Variants in PCDHGA7 observed in about 807,000 individuals in gnomAD.
PCDHGA7 encodes protocadherin gamma-A7.
PCDHGA7 carries 44 observed loss-of-function variants against 58.3 expected under a neutral mutation model. The ratio of observed to expected loss-of-function variants is 0.75; its 90% confidence interval spans 0.59 to 0.97. The LOEUF is 0.97. Among genes scored for constraint, PCDHGA7 ranks in the 50% least tolerant of loss-of-function variants. PCDHGA7 has a pLI of 0.00. For missense variants in PCDHGA7, 1,266 were observed against 1,188.7 expected (o/e 1.06, Z -0.96); for synonymous variants, 516 against 504.2 (o/e 1.02, Z -0.31).
intron 1 of PCDHGA7, among the ~76,000 whole-genome samples, chr5:141,461,985 G>C (rs894777268): frequency 2.6e-5 from 4 of 152,170 alleles, no homozygotes; most frequent in Non-Finnish European, 5.9e-5. Flanking sequence ...CACCACGCCA[G>C]GCTAATTTTG....
rs750109717 is a variant in PCDHGA7, at chr5:141,490,546, A to C, written c.2425-4261A>C. 1.9e-6 allele frequency: 3 copies of C among 1,614,110 alleles called. No individual in the cohort carries two copies. Among genetic ancestry groups the C allele is most frequent in the Non-Finnish European group, 2.5e-6 (3 of 1,180,036 alleles). On this transcript the variant is annotated intron_variant, in intron 1 of 3. Transcript: ENST00000518325. The surrounding 1 kb of genome is among the most constrained non-coding windows in gnomAD (Gnocchi z 5.4). ...CGATGCTGGTTCACCTTCCCTACAC[A>C]AACATCTCACCATCAGGCTCAACAT...
chr5:141,410,251 C>T, intron 1 of PCDHGA7: 1 of 1,614,016 alleles, frequency 6.2e-7, no homozygotes, highest in Non-Finnish European at 8.5e-7. Flanking sequence ...TACTCTCTGA[C>T]CCCCAGGCTG....
chr5:141,511,010 A>G lies in PCDHGA7; in HGVS notation c.2636A>G (p.Tyr879Cys), dbSNP rs1286219897. 6.2e-6 allele frequency: 10 copies of G among 1,614,054 alleles called. No homozygotes were observed. Among genetic ancestry groups the G allele is most frequent in the African/African-American group, 1.3e-5 (1 of 74,916 alleles). Residue 879 changes from tyrosine to cysteine, a missense_variant, in exon 4 of 4, where the codon TAC becomes TGC. By Grantham distance (194) the Tyr-to-Cys change is radical (BLOSUM62 -2). Coordinates refer to ENST00000518325, the MANE Select transcript of PCDHGA7 (RefSeq NM_018920.4). ...GGCACCATGGGATTGAGCGCCCGCT[A>G]CGGACCCCAGTTCACCCTGCAGCAC... Reference protein sequence around the residue: ...GAGTMGLSARYGPQFTLQHVP... With the variant: ...GAGTMGLSARCGPQFTLQHVP...
chr5:141,405,050 G>T, intron 1 of PCDHGA7: 1 of 1,613,866 alleles, frequency 6.2e-7, no homozygotes, highest in South Asian at 1.1e-5. Flanking sequence ...TGTGGCAGTC[G>T]TCTCCTGTGT....
intron 2 of PCDHGA7, among the ~76,000 whole-genome samples, chr5:141,502,719 C>G (rs1242423173): frequency 1.3e-5 from 2 of 152,190 alleles, no homozygotes; most frequent in Non-Finnish European, 2.9e-5. Flanking sequence ...TCAGTGATTA[C>G]AAAGCGGTGA....
intron 1 of PCDHGA7, chr5:141,412,460 G>C (rs2095557510): frequency 1.3e-5 from 2 of 152,244 alleles, no homozygotes; most frequent in South Asian, 4.1e-4. Flanking sequence ...AACTATTCTA[G>C]AAGAGTACTT....
In PCDHGA7 at chr5:141,476,850, A is replaced by G. The variant is rs747333239; in HGVS notation, c.2425-17957A>G. The G allele has an allele frequency of 1.2e-6, 2 of 1,613,836 alleles. No individual in the cohort carries two copies. Among genetic ancestry groups the G allele is most frequent in the Admixed American group, 3.3e-5 (2 of 60,030 alleles). ...GCGAATGACAATGCGCCTGTCTTCA[A>G]CCAGTCCTTGTACCGGGCGCGCGTC... is the stretch of plus-strand genomic sequence containing the variant. On this transcript the variant is annotated intron_variant, in intron 1 of 3. Transcript: ENST00000518325. The surrounding 1 kb of genome is among the most constrained non-coding windows in gnomAD (Gnocchi z 7.6).
At position 141,408,464 on chromosome 5, in the gene PCDHGA7, A is replaced by G. The variant is rs764186219; in HGVS notation, c.2424+23141A>G. ...GGAGAGCGGGGACTTACTTGTGAAG[A>G]ACCGAATAGACCGTGAGCAAATATG... On this transcript the variant is annotated intron_variant, in intron 1 of 3. Coordinates refer to ENST00000518325, the MANE Select transcript of PCDHGA7 (RefSeq NM_018920.4). The G allele has an allele frequency of 3.8e-5, 61 of 1,613,880 alleles. No homozygotes were observed. Among genetic ancestry groups the G allele is most frequent in the South Asian group, 1.4e-4 (13 of 91,024 alleles).
intron 1 of PCDHGA7, chr5:141,433,151 G>T (rs2097572071): frequency 1.2e-6 from 2 of 1,614,006 alleles, no homozygotes; most frequent in African/African-American, 1.3e-5. Context: ...AGGTGATTCG[G>T]TATTTTCTAA....
At chr5:141,408,712 T>C in intron 1 of PCDHGA7, 2 of 1,612,332 alleles carry the variant, frequency 1.2e-6, no homozygotes, top group Non-Finnish European at 1.7e-6. Flanking sequence ...TTAAAGATTA[T>C]AAGATAAACT....
Position 141,489,169 on chromosome 5 carries a change from C to T in PCDHGA7, c.2425-5638C>T. On this transcript the variant is annotated intron_variant, in intron 1 of 3. Coordinates refer to ENST00000518325, the MANE Select transcript of PCDHGA7 (RefSeq NM_018920.4). This position sits in a 1 kb window ranked among gnomAD's most constrained non-coding sequence, Gnocchi z 4.5. ...GAGACATAAGAGACTTCAGCTGCTG[C>T]ATTCCAAGCCCTGGGTCTACCTTGG... 3 of 1,124,648 alleles carry T rather than the reference C, an allele frequency of 2.7e-6. No individual in the cohort carries two copies. The highest frequency in any genetic ancestry group is 3.8e-6 in the Non-Finnish European group (3 of 783,910). The allele number at this position is 1,124,648 out of a possible 1,614,324, so 69.7% of individuals were successfully genotyped here. A position where few individuals can be genotyped will look rare whatever the true frequency, so the allele number is the denominator to read the frequency against.
At position 141,491,899 on chromosome 5, in the gene PCDHGA7, G is replaced by A; in HGVS notation, c.2425-2908G>A. The A allele has an allele frequency of 7.0e-7, 1 of 1,433,322 alleles. No homozygotes were observed. Among genetic ancestry groups the A allele is most frequent in the South Asian group, 1.5e-5 (1 of 67,156 alleles). The allele number at this position is 1,433,322 out of a possible 1,614,324, so 88.8% of individuals were successfully genotyped here. A position where few individuals can be genotyped will look rare whatever the true frequency, so the allele number is the denominator to read the frequency against. On this transcript the variant is annotated intron_variant, in intron 1 of 3. Coordinates refer to ENST00000518325, the MANE Select transcript of PCDHGA7 (RefSeq NM_018920.4). The surrounding 1 kb of genome is among the most constrained non-coding windows in gnomAD (Gnocchi z 6.9). ...TTAAGGGATGGGGCTCCGAGCACCG[G>A]GGGTGGTGGCGACTGTGGGCGAGGG... is the stretch of plus-strand genomic sequence containing the variant.
At chr5:141,455,837 AT>A (rs2098833014) in intron 1 of PCDHGA7, among the ~76,000 whole-genome samples, 2 of 151,422 alleles carry the variant, frequency 1.3e-5, no homozygotes, top group African/African-American at 4.8e-5. Context: ...TTTCCTGTCT[AT>A]CTGCATAAAA....
intron 1 of PCDHGA7, chr5:141,410,721 A>G (rs2154543206): frequency 1.5e-5 from 21 of 1,395,496 alleles, no homozygotes; most frequent in Non-Finnish European, 2.0e-5. Context: ...ATATGTTTAA[A>G]ATCCATAGCT....
At chr5:141,495,419 C>A (rs1434107823) in intron 2 of PCDHGA7, among the ~76,000 whole-genome samples, 1 of 152,228 alleles carries the variant, frequency 6.6e-6, no homozygotes, top group Non-Finnish European at 1.5e-5. Context: ...CCGGCCCCTC[C>A]TCCCACTGTC....
chr5:141,441,993 G>T (rs577673608), intron 1 of PCDHGA7: 16 of 251,180 alleles, frequency 6.4e-5, no homozygotes, highest in East Asian at 3.9e-4. Flanking sequence ...CACCGACGAG[G>T]TGCTGACAGC....
At chr5:141,417,913 T>C in intron 1 of PCDHGA7, 1 of 1,601,944 alleles carries the variant, frequency 6.2e-7, no homozygotes, top group Admixed American at 1.8e-5. Context: ...AGGTACTATT[T>C]CCTTTGCTGC....
Position 141,476,489 on chromosome 5 carries a change from A to G in PCDHGA7, c.2425-18318A>G. ...GGAGCTGTTCAGCGTGGAAGTGGTGATCCAGGACATCAACGACAACAATCC... is the reference window on the plus strand; with the variant it reads ...GGAGCTGTTCAGCGTGGAAGTGGTGGTCCAGGACATCAACGACAACAATCC... On this transcript the variant is annotated intron_variant, in intron 1 of 3. Coordinates refer to ENST00000518325, the MANE Select transcript of PCDHGA7 (RefSeq NM_018920.4). The surrounding 1 kb of genome is among the most constrained non-coding windows in gnomAD (Gnocchi z 7.6). The G allele has an allele frequency of 6.2e-7, 1 of 1,613,928 alleles. No individual in the cohort carries two copies. Among genetic ancestry groups the G allele is most frequent in the Non-Finnish European group, 8.5e-7 (1 of 1,179,976 alleles).
chr5:141,422,926 G>GC, intron 1 of PCDHGA7: 1 of 1,614,230 alleles, frequency 6.2e-7, no homozygotes, highest in African/African-American at 1.3e-5. Context: ...CCTGTACCCT[G>GC]CCCTCCCCAC....
Sources: gnomAD v4.1 joint callset for allele counts (sites outside exome capture counted in the v4.1 genomes callset) on GRCh38, gnomAD v4.1.1 for gene constraint, Gnocchi (gnomAD v3.1) non-coding constraint, MANE v1.5 for transcripts, NCBI Gene and HGNC (gene_info 2026-07-23, HGNC 2026-07-21) for gene names.